The following GCH1 variants were observed in gnomAD, a reference collection of about 807,000 sequenced individuals.
GCH1 encodes the protein GTP cyclohydrolase I.
GCH1 carries 5 observed loss-of-function variants against 25.9 expected under a neutral mutation model. The observed-to-expected ratio is 0.19, with a 90% CI of 0.10 to 0.41. GCH1 has a LOEUF of 0.41. Ranked by LOEUF, GCH1 falls within the 10% of genes least tolerant of loss-of-function variation. The probability of loss-of-function intolerance (pLI) is 1.00; values close to 1 mark genes in which losing one functional copy is unlikely to be tolerated. For missense variants in GCH1, 261 were observed against 336.5 expected (o/e 0.78, Z 1.75); for synonymous variants, 159 against 129.6 (o/e 1.23, Z -1.54).
intron 3 of GCH1, among the ~76,000 whole-genome samples, chr14:54,854,828 T>C (rs2039784359): frequency 6.6e-6 from 1 of 152,238 alleles, no homozygotes; most frequent in Non-Finnish European, 1.5e-5. Flanking sequence ...TTTAAAAGTG[T>C]GATGAAAAGT....
Position 54,862,094 on chromosome 14 carries a change from T to C in GCH1, c.454-2358A>G, listed in dbSNP as rs560916850. 2.0e-5 allele frequency among the ~76,000 whole-genome samples: 3 copies of C among 152,306 alleles called. No individual in the cohort carries two copies. The South Asian group carries it at 6.2e-4, about 32-fold the overall frequency. On this transcript the variant is annotated intron_variant, in intron 2 of 5. Transcript: ENST00000491895. ...CCCAGGTTGGGGTACAGTGGCATGA[T>C]CATAGTTCACTGTAACCTGAAACTC...
chr14:54,856,998 C>A (rs1308860174), intron 3 of GCH1, among the ~76,000 whole-genome samples: 1 of 152,170 alleles, frequency 6.6e-6, no homozygotes. Context: ...TTAAAATGAG[C>A]AGTGAAGTTT....
chr14:54,890,295 C>T (rs192652321), intron 1 of GCH1, among the ~76,000 whole-genome samples: 8 of 152,278 alleles, frequency 5.3e-5, no homozygotes, highest in Admixed American at 4.6e-4. Context: ...GTCAGGAGTT[C>T]GAGACCAGCC....
intron 1 of GCH1, 56 bp downstream of exon 1, chr14:54,902,265 C>A: frequency 6.3e-7 from 1 of 1,581,246 alleles, no homozygotes; most frequent in Non-Finnish European, 8.6e-7. Flanking sequence ...GCGCGCGTTT[C>A]CTGCAAGCAC....
intron 1 of GCH1, among the ~76,000 whole-genome samples, chr14:54,888,151 T>G (rs10498472): frequency 0.071 from 10,794 of 152,180 alleles, 624 homozygotes; most frequent in Non-Finnish European, 0.11. Flanking sequence ...AGAAACCTTT[T>G]CAAAAATCTG....
At chr14:54,880,755 C>CAT (rs377378934) in intron 1 of GCH1, among the ~76,000 whole-genome samples, 3,113 of 34,034 alleles carry the variant, frequency 0.091, 596 homozygotes, top group Non-Finnish European at 0.12. Context: ...ATATATACTC[C>CAT]ATATATATAT....
intron 1 of GCH1, among the ~76,000 whole-genome samples, chr14:54,869,085 C>T (rs1484284824): frequency 1.3e-5 from 2 of 152,078 alleles, no homozygotes; most frequent in African/African-American, 4.8e-5. Context: ...GTCACCCAGG[C>T]TGGAGTGCAA....
intron 1 of GCH1, among the ~76,000 whole-genome samples, chr14:54,897,617 C>A (rs2040506794): frequency 6.6e-6 from 1 of 151,976 alleles, no homozygotes; most frequent in African/African-American, 2.4e-5. Context: ...ATGCTGTTGA[C>A]CCAATTCACA....
In GCH1 at chr14:54,843,845, C is replaced by T; in HGVS notation, c.*172G>A. ...GGCAAGAAGAAAGTAGAGGGCTCAA[C>T]CCTTTATTATATTTATTTGACTTCC... On this transcript the variant is annotated 3_prime_UTR_variant, in exon 6 of 6. Coordinates refer to ENST00000491895, the MANE Select transcript of GCH1 (RefSeq NM_000161.3). The T allele has an allele frequency of 6.8e-6, 11 of 1,612,044 alleles. No homozygotes were observed. The highest frequency in any genetic ancestry group is 9.3e-6 in the Non-Finnish European group (11 of 1,178,348).
At chr14:54,881,472 T>C (rs544360848) in intron 1 of GCH1, among the ~76,000 whole-genome samples, 1 of 152,332 alleles carries the variant, frequency 6.6e-6, no homozygotes, top group South Asian at 2.1e-4. Flanking sequence ...AATCGCTCTC[T>C]CTGCTTTCAC....
chr14:54,871,239 G>A (rs986797815), intron 1 of GCH1, among the ~76,000 whole-genome samples: 3 of 152,206 alleles, frequency 2.0e-5, no homozygotes, highest in Non-Finnish European at 2.9e-5. Flanking sequence ...GGCAAACAGG[G>A]TCTGGAGTGG....
At chr14:54,855,691 G>A (rs1216411003) in intron 3 of GCH1, among the ~76,000 whole-genome samples, 1 of 151,378 alleles carries the variant, frequency 6.6e-6, no homozygotes, top group African/African-American at 2.4e-5. Context: ...GTGCACATCA[G>A]TAATCCCAGC....
At chr14:54,892,484 T>C (rs559915046) in intron 1 of GCH1, among the ~76,000 whole-genome samples, 1 of 151,172 alleles carries the variant, frequency 6.6e-6, no homozygotes, top group South Asian at 2.1e-4. Context: ...AGGTCAGGAG[T>C]TCAAGAACAG....
At chr14:54,846,261 C>T (rs2039640235) in intron 4 of GCH1, among the ~76,000 whole-genome samples, 1 of 152,176 alleles carries the variant, frequency 6.6e-6, no homozygotes, top group African/African-American at 2.4e-5. Context: ...GTGCTTAGAG[C>T]AATGTTGAAA....
chr14:54,862,164 TAGGACTAC>T (rs1351209626), intron 2 of GCH1, among the ~76,000 whole-genome samples: 1 of 152,006 alleles, frequency 6.6e-6, no homozygotes, highest in Non-Finnish European at 1.5e-5. Flanking sequence ...AAAAAGTAGC[TAGGACTAC>T]AGGTATGCAC....
chr14:54,877,829 G>C (rs1390531025), intron 1 of GCH1, among the ~76,000 whole-genome samples: 1 of 152,018 alleles, frequency 6.6e-6, no homozygotes, highest in South Asian at 2.1e-4. Flanking sequence ...TCGAAACAGG[G>C]GTTCCCAGAC....
At chr14:54,857,994 G>A (rs1035953513) in intron 3 of GCH1, among the ~76,000 whole-genome samples, 5 of 152,218 alleles carry the variant, frequency 3.3e-5, no homozygotes, top group African/African-American at 1.2e-4. Context: ...GAGCAGGAAT[G>A]AGGTCAGAAA....
chr14:54,884,195 A>G (rs1595012239), intron 1 of GCH1, among the ~76,000 whole-genome samples: 1 of 152,330 alleles, frequency 6.6e-6, no homozygotes, highest in South Asian at 2.1e-4. Flanking sequence ...TAGAGGTTAA[A>G]TTGTAAAACT....
At chr14:54,871,786 A>G (rs2040083256) in intron 1 of GCH1, among the ~76,000 whole-genome samples, 1 of 152,230 alleles carries the variant, frequency 6.6e-6, no homozygotes, top group Non-Finnish European at 1.5e-5. Context: ...GCAAGAAGAG[A>G]AGTTTAGAGA....
Sources: gnomAD v4.1 joint callset for allele counts (sites outside exome capture counted in the v4.1 genomes callset) on GRCh38, gnomAD v4.1.1 for gene constraint, MANE v1.5 for transcripts, NCBI Gene and HGNC (gene_info 2026-07-23, HGNC 2026-07-21) for gene names.